The following CENPW variants were observed in gnomAD, a reference collection of about 807,000 sequenced individuals.
The protein encoded by CENPW is centromere protein W, also known as cancer-up-regulated gene 2 protein.
In CENPW, 3 loss-of-function variants were observed where a neutral mutation model predicts 11.1. That is an observed-to-expected ratio of 0.27 (90% confidence interval 0.12 to 0.70). The LOEUF is 0.70. Among genes scored for constraint, CENPW ranks in the 30% least tolerant of loss-of-function variants. CENPW has a pLI of 0.77. For synonymous variants in CENPW, 38 were observed against 42.0 expected (o/e 0.91, Z 0.37); for missense variants, 100 against 105.6 (o/e 0.95, Z 0.23).
the CENPW span, among the ~76,000 whole-genome samples, chr6:126,452,635 C>A: frequency 1.3e-5 from 2 of 150,994 alleles, no homozygotes; most frequent in Non-Finnish European, 3.0e-5. Flanking sequence ...CCCCAGGAAC[C>A]TGTGGAGCAA....
At chr6:126,370,379 A>T in the CENPW span, among the ~76,000 whole-genome samples, 3 of 151,966 alleles carry the variant, frequency 2.0e-5, no homozygotes, top group African/African-American at 7.3e-5. Flanking sequence ...CACAGTGTTG[A>T]TTCTACCCAT....
chr6:126,362,356 G>T, the CENPW span, among the ~76,000 whole-genome samples: 1 of 152,142 alleles, frequency 6.6e-6, no homozygotes, highest in East Asian at 1.9e-4. Context: ...GGGGTGTGGG[G>T]TTCCCTGTAG....
the CENPW span, among the ~76,000 whole-genome samples, chr6:126,397,450 G>A: frequency 2.0e-4 from 31 of 152,078 alleles, no homozygotes; most frequent in African/African-American, 6.5e-4. Context: ...GAGTGGGTTC[G>A]GTGATTCAAG....
downstream of CENPW, among the ~76,000 whole-genome samples, chr6:126,353,476 A>T (rs529515737): frequency 2.0e-5 from 3 of 152,044 alleles, no homozygotes; most frequent in South Asian, 2.1e-4. Flanking sequence ...TGTCTTTTTT[A>T]AAAAAATCTG....
chr6:126,354,702 C>T, the CENPW span, among the ~76,000 whole-genome samples: 1 of 152,084 alleles, frequency 6.6e-6, no homozygotes, highest in South Asian at 2.1e-4. Flanking sequence ...ATCAGCTCAC[C>T]TCTTTAAGAG....
the CENPW span, among the ~76,000 whole-genome samples, chr6:126,414,939 A>G: frequency 6.6e-6 from 1 of 152,102 alleles, no homozygotes; most frequent in African/African-American, 2.4e-5. Flanking sequence ...AGAAATACAA[A>G]GGATCATTAG....
At chr6:126,401,702 G>T in the CENPW span, among the ~76,000 whole-genome samples, 2 of 151,930 alleles carry the variant, frequency 1.3e-5, no homozygotes, top group Non-Finnish European at 2.9e-5. Context: ...TTGGGCATTT[G>T]GGTTTTTCCT....
chr6:126,467,157 G>A, the CENPW span, among the ~76,000 whole-genome samples: 9 of 152,052 alleles, frequency 5.9e-5, no homozygotes, highest in South Asian at 4.2e-4. Context: ...AAATTCATTC[G>A]AAACCATAAA....
chr6:126,358,550 A>C, the CENPW span, among the ~76,000 whole-genome samples: 21 of 152,336 alleles, frequency 1.4e-4, no homozygotes, highest in East Asian at 3.5e-3. Context: ...CATCCCAGGA[A>C]TGAAGCCTCC....
chr6:126,374,535 A>G, the CENPW span, among the ~76,000 whole-genome samples: 4 of 152,222 alleles, frequency 2.6e-5, no homozygotes, highest in Non-Finnish European at 4.4e-5. Context: ...TGCTTCCTTG[A>G]TGATTAAGCT....
intron 1 of CENPW, among the ~76,000 whole-genome samples, chr6:126,345,529 A>G (rs1250167995): frequency 6.6e-6 from 1 of 152,124 alleles, no homozygotes; most frequent in Non-Finnish European, 1.5e-5. Flanking sequence ...GCTTTCCACA[A>G]TGCTGATATC....
chr6:126,456,787 A>G, the CENPW span, among the ~76,000 whole-genome samples: 59 of 151,402 alleles, frequency 3.9e-4, no homozygotes, highest in East Asian at 8.6e-3. Context: ...GGGAGAAAAT[A>G]TGCAAACTAT....
At chr6:126,422,521 AC>A in the CENPW span, among the ~76,000 whole-genome samples, 1 of 151,946 alleles carries the variant, frequency 6.6e-6, no homozygotes, top group Admixed American at 6.6e-5. Context: ...TGTTATAAGG[AC>A]CCAAACTTAC....
At chr6:126,474,683 A>G in the CENPW span, among the ~76,000 whole-genome samples, 3 of 152,176 alleles carry the variant, frequency 2.0e-5, no homozygotes, top group South Asian at 4.1e-4. Context: ...TGTAAATCAT[A>G]TGCAAACAAT....
chr6:126,347,281 T>C (rs766530246), intron 2 of CENPW, among the ~76,000 whole-genome samples: 6 of 152,154 alleles, frequency 3.9e-5, no homozygotes, highest in Non-Finnish European at 7.4e-5. Flanking sequence ...TGTAGACGTT[T>C]TTGTTTTAGA....
chr6:126,456,233 C>T, the CENPW span, among the ~76,000 whole-genome samples: 3 of 151,352 alleles, frequency 2.0e-5, no homozygotes, highest in Non-Finnish European at 4.4e-5. Flanking sequence ...CAAAAAAGAG[C>T]TTGAATAGCC....
chr6:126,388,374 C>T, the CENPW span, among the ~76,000 whole-genome samples: 3 of 152,010 alleles, frequency 2.0e-5, no homozygotes, highest in Admixed American at 6.6e-5. Flanking sequence ...CAGATAGCAC[C>T]GGCCTGAGTC....
the CENPW span, among the ~76,000 whole-genome samples, chr6:126,383,017 C>T: frequency 2.0e-5 from 3 of 151,984 alleles, no homozygotes; most frequent in African/African-American, 7.2e-5. Context: ...AAGGAAGCTG[C>T]TAAAGAGAAA....
chr6:126,370,024 A>G, the CENPW span, among the ~76,000 whole-genome samples: 2 of 152,202 alleles, frequency 1.3e-5, no homozygotes, highest in Non-Finnish European at 2.9e-5. Context: ...TTTGTTGAAT[A>G]GGGTGTCCTT....
Sources: allele counts gnomAD v4.1 joint callset (sites outside exome capture counted in the v4.1 genomes callset), GRCh38; gene constraint gnomAD v4.1.1; transcripts MANE v1.5; gene names NCBI Gene and HGNC (gene_info 2026-07-23, HGNC 2026-07-21).